The following MRTFB variants were observed in gnomAD, a reference collection of about 807,000 sequenced individuals.
MRTFB encodes myocardin-related transcription factor B.
Under a neutral mutation model 104.2 loss-of-function variants are expected in MRTFB, and 29 were observed. The observed-to-expected ratio is 0.28, with a 90% CI of 0.21 to 0.38. The LOEUF is 0.38. Among genes scored for constraint, MRTFB ranks in the 10% least tolerant of loss-of-function variants. The pLI is 1.00. For missense variants in MRTFB, 1,270 were observed against 1,341.6 expected, an observed-to-expected ratio of 0.95 and a Z score of 0.83; for synonymous variants, 535 against 519.5, an observed-to-expected ratio of 1.03 and a Z score of -0.41.
intron 3 of MRTFB, chr16:14,144,442 T>C (rs1394177848): frequency 2.0e-5 from 3 of 152,138 alleles, no homozygotes; most frequent in African/African-American, 7.2e-5. Context: ...AGGATACAAA[T>C]TTCAGTTAGA....
chr16:14,078,310 A>C (rs2034188071), intron 1 of MRTFB, among the ~76,000 whole-genome samples: 1 of 152,248 alleles, frequency 6.6e-6, no homozygotes, highest in Non-Finnish European at 1.5e-5. Flanking sequence ...GATGTTTGTT[A>C]AATGAATGAA....
chr16:14,159,958 A>G (rs2142889445), intron 3 of MRTFB, among the ~76,000 whole-genome samples: 1 of 149,694 alleles, frequency 6.7e-6, no homozygotes, highest in Admixed American at 6.7e-5. Flanking sequence ...AAAAAGAATC[A>G]TTTACAAATA....
intron 13 of MRTFB, among the ~76,000 whole-genome samples, chr16:14,251,097 C>A (rs1044428546): frequency 1.3e-5 from 2 of 152,024 alleles, no homozygotes; most frequent in Admixed American, 6.6e-5. Flanking sequence ...TGAGAGTAGG[C>A]CGGGCGCGGT....
intron 3 of MRTFB, among the ~76,000 whole-genome samples, chr16:14,196,667 G>A (rs528702934): frequency 6.6e-6 from 1 of 152,242 alleles, no homozygotes; most frequent in East Asian, 1.9e-4. Context: ...TCAAAATGCT[G>A]TTTGCTCTTT....
At chr16:14,193,623 A>G (rs1330197218) in intron 3 of MRTFB, 2 of 152,078 alleles carry the variant, frequency 1.3e-5, no homozygotes, top group South Asian at 2.1e-4. Flanking sequence ...CGCTAAGTCT[A>G]TTTTGTTCAC....
chr16:14,190,889 G>A (rs2040151489), intron 3 of MRTFB, among the ~76,000 whole-genome samples: 1 of 152,164 alleles, frequency 6.6e-6, no homozygotes, highest in Non-Finnish European at 1.5e-5. Flanking sequence ...TTCCAGTTCT[G>A]CCACAGACTG....
At chr16:14,201,121 A>T in intron 3 of MRTFB, 1 of 1,281,024 alleles carries the variant, frequency 7.8e-7, no homozygotes, top group South Asian at 1.6e-5. Context: ...AAAAGGAAAA[A>T]TAGTTTTCGT....
chr16:14,166,469 A>C (rs2039246413), intron 3 of MRTFB, among the ~76,000 whole-genome samples: 1 of 152,162 alleles, frequency 6.6e-6, no homozygotes, highest in African/African-American at 2.4e-5. Context: ...GAACATCCTT[A>C]TGTGAAGTAC....
At chr16:14,222,113 G>C (rs113227584) in intron 8 of MRTFB, among the ~76,000 whole-genome samples, 3 of 152,154 alleles carry the variant, frequency 2.0e-5, no homozygotes, top group Admixed American at 6.5e-5. Flanking sequence ...ACTAATCCTT[G>C]TAAAGTACAA....
At chr16:14,227,701 A>C (rs1597312797) in intron 8 of MRTFB, among the ~76,000 whole-genome samples, 1 of 152,002 alleles carries the variant, frequency 6.6e-6, no homozygotes, top group Non-Finnish European at 1.5e-5. Context: ...TAGTAGAGAC[A>C]GGGTTTCACC....
chr16:14,134,735 T>C (rs2037621434), intron 2 of MRTFB, among the ~76,000 whole-genome samples: 1 of 152,182 alleles, frequency 6.6e-6, no homozygotes, highest in South Asian at 2.1e-4. Context: ...CCAACATCTC[T>C]CTCTCCCAAT....
At chr16:14,021,009 A>G in the MRTFB span, 1 of 152,238 alleles carries the variant, frequency 6.6e-6, no homozygotes, top group Non-Finnish European at 1.5e-5. Flanking sequence ...TGTGCCTCTG[A>G]CAGCAGGAAT....
At chr16:14,185,087 G>A (rs753887722) in intron 3 of MRTFB, among the ~76,000 whole-genome samples, 5 of 152,206 alleles carry the variant, frequency 3.3e-5, no homozygotes, top group Admixed American at 1.3e-4. Flanking sequence ...GAATGTAGGC[G>A]TTAGGGTCAG....
chr16:14,017,117 A>C, the MRTFB span, among the ~76,000 whole-genome samples: 2 of 129,460 alleles, frequency 1.5e-5, no homozygotes, highest in Middle Eastern at 6.3e-3. Flanking sequence ...AGTGCAGTGG[A>C]GCAATCTCGG....
At chr16:14,000,431 C>T in the MRTFB span, among the ~76,000 whole-genome samples, 1 of 152,226 alleles carries the variant, frequency 6.6e-6, no homozygotes, top group Admixed American at 6.5e-5. Context: ...TCTGATGCTC[C>T]AGGAGCTCAG....
chr16:14,079,871 CTT>C (rs939110776), intron 2 of MRTFB, among the ~76,000 whole-genome samples: 2 of 151,424 alleles, frequency 1.3e-5, no homozygotes, highest in African/African-American at 4.9e-5. Flanking sequence ...GGTGAACATA[CTT>C]TTAGAAATCT....
At chr16:13,999,836 C>T in the MRTFB span, among the ~76,000 whole-genome samples, 1 of 152,178 alleles carries the variant, frequency 6.6e-6, no homozygotes, top group Admixed American at 6.6e-5. Context: ...AGTGGGGTTT[C>T]CTTGCTGCAT....
At chr16:14,218,746 G>T in intron 7 of MRTFB, 74 bp from the exon 8 acceptor site, 1 of 1,410,608 alleles carries the variant, frequency 7.1e-7, no homozygotes, top group Non-Finnish European at 9.6e-7. Flanking sequence ...AGGAAACAAT[G>T]TTTTCCTCCT....
At chr16:14,042,543 G>C in the MRTFB span, among the ~76,000 whole-genome samples, 1 of 152,190 alleles carries the variant, frequency 6.6e-6, no homozygotes, top group Non-Finnish European at 1.5e-5. Flanking sequence ...GGGAAGTTAT[G>C]GTTCTGGGAA....
Sources: allele counts gnomAD v4.1 joint callset (sites outside exome capture counted in the v4.1 genomes callset), GRCh38; gene constraint gnomAD v4.1.1; transcripts MANE v1.5; gene names NCBI Gene and HGNC (gene_info 2026-07-23, HGNC 2026-07-21).